Variants in MED12L observed in about 807,000 individuals in gnomAD.
MED12L encodes the protein mediator complex subunit 12L, also known as mediator of RNA polymerase II transcription subunit 12-like protein.
MED12L carries 60 observed loss-of-function variants against 281.3 expected under a neutral mutation model. That is an observed-to-expected ratio of 0.21 (90% CI 0.17 to 0.26). MED12L has a LOEUF of 0.26. Among genes scored for constraint, MED12L ranks in the 10% least tolerant of loss-of-function variants. The probability of loss-of-function intolerance (pLI) is 1.00; values close to 1 mark genes in which losing one functional copy is unlikely to be tolerated. For synonymous variants in MED12L, 974 were observed against 987.2 expected (o/e 0.99, Z 0.25); for missense variants, 2,146 against 2,680.9 (o/e 0.80, Z 4.41).
chr3:151,301,939 A>G (rs1031129587), intron 16 of MED12L, among the ~76,000 whole-genome samples: 6 of 152,254 alleles, frequency 3.9e-5, no homozygotes, highest in African/African-American at 1.2e-4. Context: ...TGTCCATGCA[A>G]TGACTTGTAT....
intron 20 of MED12L, among the ~76,000 whole-genome samples, chr3:151,358,319 C>A (rs1435236443): frequency 1.3e-5 from 2 of 151,972 alleles, no homozygotes; most frequent in African/African-American, 4.8e-5. Context: ...TTTAATAACT[C>A]AGCTACTGTA....
intron 16 of MED12L, among the ~76,000 whole-genome samples, chr3:151,220,752 C>T (rs1729181308): frequency 6.6e-6 from 1 of 152,214 alleles, no homozygotes; most frequent in South Asian, 2.1e-4. Context: ...CAGTAAACCT[C>T]TTTCTTTTGT....
At chr3:151,251,594 A>C (rs941223665) in intron 16 of MED12L, among the ~76,000 whole-genome samples, 9 of 152,180 alleles carry the variant, frequency 5.9e-5, no homozygotes, top group Admixed American at 5.9e-4. Flanking sequence ...TGTTTAATTC[A>C]GTAGAGTGCT....
chr3:151,398,985 C>G (rs1023339576), intron 39 of MED12L, among the ~76,000 whole-genome samples: 4 of 151,288 alleles, frequency 2.6e-5, no homozygotes, highest in African/African-American at 9.7e-5. Context: ...TGTTTTCGGA[C>G]TGCAGTTTTC....
chr3:151,295,204 C>T, intron 16 of MED12L: 1 of 1,603,320 alleles, frequency 6.2e-7, no homozygotes, highest in Non-Finnish European at 8.5e-7. Flanking sequence ...GGCCGTGCAG[C>T]TCGTTATCTG....
At chr3:151,414,016 AT>A (rs1717267532) in intron 42 of MED12L, among the ~76,000 whole-genome samples, 1 of 151,590 alleles carries the variant, frequency 6.6e-6, no homozygotes, top group African/African-American at 2.4e-5. Context: ...CCCCTGGCTA[AT>A]TTTTTTGTAT....
intron 16 of MED12L, among the ~76,000 whole-genome samples, chr3:151,348,837 A>T (rs139212893): frequency 1.3e-5 from 2 of 152,338 alleles, no homozygotes; most frequent in African/African-American, 4.8e-5. Flanking sequence ...TACTTTGTGC[A>T]GAGTACACAT....
Position 151,433,347 on chromosome 3 carries a change from G to A in MED12L, c.*543G>A, listed in dbSNP as rs190300070. 1 of 152,814 alleles carries A rather than the reference G, an allele frequency of 6.5e-6. No individual in the cohort carries two copies. Among genetic ancestry groups the A allele is most frequent in the Admixed American group, 6.5e-5 (1 of 15,298 alleles). The allele number at this position is 152,814 out of a possible 1,614,324, so 9.5% of individuals were successfully genotyped here. On this transcript the variant is annotated 3_prime_UTR_variant, in exon 45 of 45. Coordinates refer to ENST00000687756, the MANE Select transcript of MED12L (RefSeq NM_001393769.1). ...ATTTGAAATGTTTGTAATCTCATAA[G>A]CACTTTATAAACTTTGTTCTTATTT...
chr3:151,200,713 T>C (rs2149146842), intron 16 of MED12L, among the ~76,000 whole-genome samples: 1 of 152,368 alleles, frequency 6.6e-6, no homozygotes, highest in South Asian at 2.1e-4. Context: ...CCTACCTGAG[T>C]TAGCACGTTA....
At chr3:151,104,996 A>G (rs1335671797) in intron 2 of MED12L, among the ~76,000 whole-genome samples, 1 of 152,220 alleles carries the variant, frequency 6.6e-6, no homozygotes, top group African/African-American at 2.4e-5. Flanking sequence ...CCCTATTTCC[A>G]AAGAATGTCC....
intron 16 of MED12L, chr3:151,213,835 T>C (rs759825579): frequency 1.2e-6 from 2 of 1,614,172 alleles, no homozygotes; most frequent in African/African-American, 1.3e-5. Flanking sequence ...AACACTCTGG[T>C]TGGTGAGAAT....
At chr3:151,271,683 C>T (rs1740975588) in intron 16 of MED12L, among the ~76,000 whole-genome samples, 3 of 152,232 alleles carry the variant, frequency 2.0e-5, no homozygotes, top group Middle Eastern at 6.8e-3. Flanking sequence ...GAGGATGATG[C>T]GGGCCCACAA....
intron 4 of MED12L, among the ~76,000 whole-genome samples, chr3:151,123,648 C>A (rs1266399167): frequency 1.3e-5 from 2 of 152,164 alleles, no homozygotes; most frequent in East Asian, 3.8e-4. Context: ...TAGTCCTGAT[C>A]TCTGATTTCT....
At chr3:151,273,537 G>A (rs573468922) in intron 16 of MED12L, among the ~76,000 whole-genome samples, 13 of 151,502 alleles carry the variant, frequency 8.6e-5, no homozygotes, top group South Asian at 2.1e-4. Flanking sequence ...CACTGCGCCC[G>A]GCCTGATTGT....
rs375255769 is a variant in MED12L, at chr3:151,327,948, G to T, written c.2251-22111G>T. 1.6e-4 allele frequency: 210 copies of T among 1,327,198 alleles called. 4 individuals are homozygous for T. In the South Asian group the frequency reaches 2.1e-3, roughly 14 times the overall value. 82.2% of individuals were successfully genotyped at this position (1,327,198 alleles called of 1,614,324 possible). On this transcript the variant is annotated intron_variant, in intron 16 of 44. Coordinates refer to ENST00000687756, the MANE Select transcript of MED12L (RefSeq NM_001393769.1). ...TAAATTTGATTTCCACATTATCTAC[G>T]GAAGTCTCATCAATAAATAGAAGTT...
Position 151,388,178 on chromosome 3 carries a change from T to A in MED12L, c.5451+6T>A, listed in dbSNP as rs1175901594. On this transcript the variant is annotated splice_donor_region_variant and intron_variant, in intron 37 of 44. Coordinates refer to ENST00000687756, the MANE Select transcript of MED12L (RefSeq NM_001393769.1). ...AATCTAGCTCAAGAGTTGATGTAAG[T>A]GGGGAAAGGAAGGAGAACCTTGGCT... 6.3e-7 allele frequency: 1 copy of A among 1,587,194 alleles called. No homozygotes were observed. The highest frequency in any genetic ancestry group is 1.7e-5 in the Admixed American group (1 of 58,010).
At chr3:151,405,616 A>G (rs2108320817) in intron 39 of MED12L, among the ~76,000 whole-genome samples, 1 of 152,272 alleles carries the variant, frequency 6.6e-6, no homozygotes, top group Non-Finnish European at 1.5e-5. Flanking sequence ...CAGCCTTGGC[A>G]ACAAAGTGAG....
intron 16 of MED12L, among the ~76,000 whole-genome samples, chr3:151,207,480 A>G (rs1726533858): frequency 7.0e-6 from 1 of 141,892 alleles, no homozygotes; most frequent in South Asian, 2.5e-4. Context: ...GACACAGATA[A>G]TTGGAGTATG....
intron 16 of MED12L, among the ~76,000 whole-genome samples, chr3:151,315,266 A>C (rs1465454181): frequency 6.6e-6 from 1 of 152,200 alleles, no homozygotes; most frequent in East Asian, 1.9e-4. Flanking sequence ...TTAAATGCCA[A>C]GATATTAAGG....
Sources: allele counts gnomAD v4.1 joint callset (sites outside exome capture counted in the v4.1 genomes callset), GRCh38; gene constraint gnomAD v4.1.1; transcripts MANE v1.5; gene names NCBI Gene and HGNC (gene_info 2026-07-23, HGNC 2026-07-21).